NDUFAF7: variants seen among roughly 807,000 people sequenced by gnomAD.
NDUFAF7 encodes protein arginine methyltransferase NDUFAF7, mitochondrial.
A neutral mutation model predicts 47.2 loss-of-function variants in NDUFAF7; 48 were observed. That is an observed-to-expected ratio of 1.02 (90% CI 0.81 to 1.29). NDUFAF7 has a LOEUF of 1.29. Ranked by LOEUF, NDUFAF7 falls within the 50% of genes most tolerant of loss-of-function variation. The pLI, the probability that NDUFAF7 is intolerant of heterozygous loss-of-function variation, is 0.00. For missense variants in NDUFAF7, 635 were observed against 537.6 expected (o/e 1.18, Z -1.79); for synonymous variants, 217 against 190.0 (o/e 1.14, Z -1.17).
At chr2:37,260,082 T>C in the NDUFAF7 span, 2 of 730,208 alleles carry the variant, frequency 2.7e-6, no homozygotes, top group African/African-American at 1.8e-5. Context: ...TGAGAATCAC[T>C]TGAATCCAGG....
intron 9 of NDUFAF7, 106 bp downstream of exon 9, chr2:37,247,735 C>T (rs563425392): frequency 7.7e-7 from 1 of 1,304,322 alleles, no homozygotes; most frequent in Admixed American, 1.8e-5. Context: ...GTTAGCCAAT[C>T]CTTGGTATTC....
At chr2:37,260,993 C>T in the NDUFAF7 span, among the ~76,000 whole-genome samples, 2 of 152,180 alleles carry the variant, frequency 1.3e-5, no homozygotes, top group East Asian at 3.8e-4. Context: ...TGTTCTACTA[C>T]AGAAAATCCT....
At chr2:37,264,426 G>A in the NDUFAF7 span, among the ~76,000 whole-genome samples, 14 of 150,968 alleles carry the variant, frequency 9.3e-5, no homozygotes, top group Non-Finnish European at 1.5e-4. Flanking sequence ...TTGCAGCAAG[G>A]TGAGACAGAC....
chr2:37,254,495 T>G (rs1038989951), downstream of NDUFAF7, among the ~76,000 whole-genome samples: 1 of 152,216 alleles, frequency 6.6e-6, no homozygotes, highest in Non-Finnish European at 1.5e-5. Context: ...ATTGCCTTTA[T>G]AAGGCAGTAT....
Position 37,242,566 on chromosome 2 carries a change from A to T in NDUFAF7, c.623-69A>T, listed in dbSNP as rs947113907. Reference sequence around the variant, plus strand: ...TGGAGGAAGTAGGCATTTTTTTTACAGTTAATATTCAAAAGAATTAATTCC... The same window carrying T: ...TGGAGGAAGTAGGCATTTTTTTTACTGTTAATATTCAAAAGAATTAATTCC... On this transcript the variant is annotated intron_variant, in intron 5 of 9. Coordinates refer to ENST00000002125, the MANE Select transcript of NDUFAF7 (RefSeq NM_144736.5). The T allele has an allele frequency of 2.2e-5, 28 of 1,274,960 alleles. No individual in the cohort carries two copies. The Admixed American group carries it at 5.0e-4, about 23-fold the overall frequency. 79.0% of individuals were successfully genotyped at this position (1,274,960 alleles called of 1,614,324 possible).
chr2:37,238,577 C>T (rs886869683), intron 4 of NDUFAF7, among the ~76,000 whole-genome samples: 1 of 151,600 alleles, frequency 6.6e-6, no homozygotes, highest in Non-Finnish European at 1.5e-5. Context: ...AAAGCAAGAC[C>T]TCGTCTCTTT....
downstream of NDUFAF7, chr2:37,256,531 T>G (rs1489449114): frequency 1.7e-6 from 2 of 1,204,878 alleles, no homozygotes; most frequent in Admixed American, 3.0e-5. Context: ...CTAGTTGAAT[T>G]TGGAAGATGA....
chr2:37,241,443 A>G, intron 4 of NDUFAF7, 135 bp from the exon 5 acceptor site: 1 of 719,350 alleles, frequency 1.4e-6, no homozygotes, highest in Non-Finnish European at 2.4e-6. Flanking sequence ...ACTGCTGGAG[A>G]GTGGCTTGGG....
At chr2:37,247,932 A>T (rs1572573111) in intron 9 of NDUFAF7, among the ~76,000 whole-genome samples, 1 of 152,168 alleles carries the variant, frequency 6.6e-6, no homozygotes, top group South Asian at 2.1e-4. Context: ...CCCCCTGAGG[A>T]TATTTGTTAA....
At position 37,247,632 on chromosome 2, in the gene NDUFAF7, A is replaced by G; in HGVS notation, c.1110+3A>G. On this transcript the variant is annotated splice_donor_region_variant and intron_variant, in intron 9 of 9. Coordinates refer to ENST00000002125, the MANE Select transcript of NDUFAF7 (RefSeq NM_144736.5). ...TGGGTATTGATGTCCGGCTGAAGGT[A>G]AGGTTTATTTTATTTCACTGTTATT... is the stretch of plus-strand genomic sequence containing the variant. 23 of 1,613,650 alleles carry G rather than the reference A, an allele frequency of 1.4e-5. No homozygotes were observed. Among genetic ancestry groups the G allele is most frequent in the Non-Finnish European group, 1.9e-5 (23 of 1,179,764 alleles).
rs750266195 is a variant in NDUFAF7, at chr2:37,246,204, A to C, written c.936+9A>C. 19 of 1,613,426 alleles carry C rather than the reference A, an allele frequency of 1.2e-5. No homozygotes were observed. The highest frequency in any genetic ancestry group is 1.5e-5 in the Non-Finnish European group (18 of 1,179,628). ...AGACAGATACCTTCAGAGTATGTAT[A>C]ATTCAGTAACATGATTTATCAGAAT... is the stretch of plus-strand genomic sequence containing the variant. On this transcript the variant is annotated intron_variant, in intron 8 of 9. Coordinates refer to ENST00000002125, the MANE Select transcript of NDUFAF7 (RefSeq NM_144736.5).
At chr2:37,257,310 C>T (rs935525384), downstream of NDUFAF7, among the ~76,000 whole-genome samples, 2 of 152,120 alleles carry the variant, frequency 1.3e-5, no homozygotes, top group African/African-American at 4.8e-5. Context: ...ATTTCTGAAT[C>T]CTTAGTGGCC....
At position 37,244,841 on chromosome 2, in the gene NDUFAF7, T is replaced by C. The variant is rs1572562709; in HGVS notation, c.792+868T>C. On this transcript the variant is annotated intron_variant, in intron 7 of 9. Coordinates refer to ENST00000002125, the MANE Select transcript of NDUFAF7 (RefSeq NM_144736.5). ...GCAATCTAAGTTTACCTGAATGACATATTCATAGAACTACCAAGAACTAAC... is the reference window on the plus strand; with the variant it reads ...GCAATCTAAGTTTACCTGAATGACACATTCATAGAACTACCAAGAACTAAC... Among the ~76,000 whole-genome samples, 3 of 152,356 alleles carry C rather than the reference T, an allele frequency of 2.0e-5. 1 individual carries two copies. In the South Asian group the frequency reaches 6.2e-4, roughly 32 times the overall value.
At chr2:37,269,797 T>C in the NDUFAF7 span, 1 of 771,268 alleles carries the variant, frequency 1.3e-6, no homozygotes, top group Admixed American at 2.8e-5. Flanking sequence ...TAGAAGCAGC[T>C]AATTTCCATA....
At chr2:37,256,652 TTTTTTTTA>T, downstream of NDUFAF7, 13 of 1,406,426 alleles carry the variant, frequency 9.2e-6, no homozygotes, top group East Asian at 7.7e-5. Context: ...TTTTTTTTTT[TTTTTTTTA>T]CCTTCACCAG....
At chr2:37,260,402 G>GA in the NDUFAF7 span, 3 of 1,598,530 alleles carry the variant, frequency 1.9e-6, no homozygotes, top group Non-Finnish European at 2.6e-6. Flanking sequence ...GAGGTTGCAA[G>GA]ATACATGAGC....
chr2:37,254,285 AATTGCT>A (rs950567120), downstream of NDUFAF7: 1 of 1,612,208 alleles, frequency 6.2e-7, no homozygotes, highest in Non-Finnish European at 8.5e-7. Context: ...TTATCAGATC[AATTGCT>A]AAGGGAAAAG....
At chr2:37,237,446 A>G (rs1473796761) in intron 3 of NDUFAF7, among the ~76,000 whole-genome samples, 1 of 152,260 alleles carries the variant, frequency 6.6e-6, no homozygotes, top group Non-Finnish European at 1.5e-5. Flanking sequence ...GCATAATCAC[A>G]TTTCATATGT....
intron 1 of NDUFAF7, 118 bp downstream of exon 1, chr2:37,231,878 A>T: frequency 6.3e-7 from 1 of 1,581,436 alleles, no homozygotes; most frequent in Non-Finnish European, 8.6e-7. Context: ...TCCACCTTGA[A>T]GGTACCCTGG....
Sources: gnomAD v4.1 joint callset for allele counts (sites outside exome capture counted in the v4.1 genomes callset) on GRCh38, gnomAD v4.1.1 for gene constraint, MANE v1.5 for transcripts, NCBI Gene and HGNC (gene_info 2026-07-23, HGNC 2026-07-21) for gene names.